Variants in APPL2 observed in about 807,000 individuals in gnomAD.
APPL2 encodes adaptor protein, phosphotyrosine interacting with PH domain and leucine zipper 2.
In APPL2, 84 loss-of-function variants were observed where a neutral mutation model predicts 92.7. The observed-to-expected ratio is 0.91, with a 90% confidence interval of 0.76 to 1.09. APPL2 has a LOEUF of 1.09. Among genes scored for constraint, APPL2 ranks in the 50% least tolerant of loss-of-function variants. The pLI is 0.00. For synonymous variants in APPL2, 291 were observed against 291.0 expected (o/e 1.00, Z 0.00); for missense variants, 736 against 824.5 (o/e 0.89, Z 1.31).
intron 17 of APPL2, 50 bp downstream of exon 17, chr12:105,188,223 G>A (rs779790593): frequency 1.3e-6 from 2 of 1,591,676 alleles, no homozygotes; most frequent in East Asian, 2.2e-5. Context: ...AGCCTTAAAA[G>A]GGGAATTAGC....
chr12:105,198,541 T>C (rs1311552507), intron 10 of APPL2, among the ~76,000 whole-genome samples: 1 of 152,196 alleles, frequency 6.6e-6, no homozygotes, highest in Non-Finnish European at 1.5e-5. Flanking sequence ...ACCTTAGAGG[T>C]ACTCCAGCCT....
At chr12:105,192,709 C>T (rs1303194130) in intron 14 of APPL2, among the ~76,000 whole-genome samples, 2 of 152,198 alleles carry the variant, frequency 1.3e-5, no homozygotes. Context: ...ACCTCATCTC[C>T]TTAACATTGG....
chr12:105,229,232 A>C lies in APPL2; in HGVS notation c.55-9T>G, dbSNP rs779116659. The stretch of plus-strand genomic sequence containing the variant: ...CTCAGTAAAGAGCGAGTCTGGAAGA[A>C]AAGAAGAAAAAAGGTCAATTTCATT... On this transcript the variant is annotated splice_polypyrimidine_tract_variant and intron_variant, in intron 1 of 20. Transcript: ENST00000258530. 3.1e-6 allele frequency: 5 copies of C among 1,608,566 alleles called. No homozygotes were observed. The South Asian group carries it at 5.6e-5, about 18-fold the overall frequency.
At chr12:105,183,153 T>C (rs920553424) in intron 17 of APPL2, among the ~76,000 whole-genome samples, 6 of 147,798 alleles carry the variant, frequency 4.1e-5, no homozygotes, top group African/African-American at 1.5e-4. Flanking sequence ...TGTGTGTCTC[T>C]GCACATGAGA....
At chr12:105,198,690 C>T (rs1213230144) in intron 10 of APPL2, among the ~76,000 whole-genome samples, 1 of 152,152 alleles carries the variant, frequency 6.6e-6, no homozygotes, top group Non-Finnish European at 1.5e-5. Context: ...CAAATGGCAA[C>T]GGCTGACATC....
Position 105,176,894 on chromosome 12 carries a change from G to A in APPL2, c.1794C>T (p.Ser598=), listed in dbSNP as rs1293619796. The A allele has an allele frequency of 6.2e-7, 1 of 1,613,998 alleles. No individual in the cohort carries two copies. Among genetic ancestry groups the A allele is most frequent in the Non-Finnish European group, 8.5e-7 (1 of 1,179,956 alleles). The change falls in exon 19 of 21, where the codon AGC becomes AGT. Residue 598 remains serine (S), a synonymous_variant. Coordinates refer to ENST00000258530, the MANE Select transcript of APPL2 (RefSeq NM_018171.5). The stretch of plus-strand genomic sequence containing the variant: ...AAGAGACCTTTTCGCCTTCTGAGTT[G>A]CTTTCAAAAATGTATGTACTCAGAG... ...EESLSTYIFE[S]NSEGEKICYA...
At chr12:105,176,160 C>T in intron 19 of APPL2, 78 bp from the exon 20 acceptor site, 1 of 1,307,724 alleles carries the variant, frequency 7.6e-7, no homozygotes, top group East Asian at 2.5e-5. Flanking sequence ...TTTGGGAGTA[C>T]AGTGAGGTCA....
In APPL2 at chr12:105,188,421, C is replaced by T; in HGVS notation, c.1486G>A (p.Val496Ile). The change falls in exon 17 of 21, where the codon GTT becomes ATT. Residue 496 changes from valine to isoleucine, a missense_variant. Val to Ile is a conservative substitution (Grantham distance 29). Coordinates refer to ENST00000258530, the MANE Select transcript of APPL2 (RefSeq NM_018171.5). ...EDSLLQQMFI[V>I]RFLGSMAVKT... ...ACTGCCATTGATCCCAAAAACCGAA[C>T]TATAAACATCTGCTGCAAAAGAGAA... 6.2e-7 allele frequency: 1 copy of T among 1,614,130 alleles called. No homozygotes were observed. Among genetic ancestry groups the T allele is most frequent in the Non-Finnish European group, 8.5e-7 (1 of 1,180,002 alleles).
chr12:105,197,911 G>A lies in APPL2; in HGVS notation c.906C>T (p.Phe302=). 1 of 1,614,160 alleles carries A rather than the reference G, an allele frequency of 6.2e-7. No individual in the cohort carries two copies. The highest frequency in any genetic ancestry group is 1.1e-5 in the South Asian group (1 of 91,080). Residue 302 remains phenylalanine (F), a synonymous_variant, in exon 11 of 21, where the codon TTC becomes TTT. Transcript: ENST00000258530. The part of the protein sequence containing the change: ...LVTTTWERLY[F]FTQGGNLMCQ... ...ACATGAGATTCCCGCCTTGGGTGAA[G>A]AAATAAAGCCTCTCCCAGGTGGTGG...
chr12:105,229,101 T>C, intron 2 of APPL2, 24 bp downstream of exon 2: 1 of 1,596,486 alleles, frequency 6.3e-7, no homozygotes, highest in Middle Eastern at 2.2e-4. Context: ...CTCTGCGGTA[T>C]CCAGGTGAGG....
At chr12:105,186,704 C>CATAT (rs777376134) in intron 17 of APPL2, among the ~76,000 whole-genome samples, 30 of 101,048 alleles carry the variant, frequency 3.0e-4, no homozygotes, top group Non-Finnish European at 4.6e-4. Flanking sequence ...TATATCATAT[C>CATAT]ATATATCATA....
intron 1 of APPL2, among the ~76,000 whole-genome samples, chr12:105,231,403 C>T (rs140083327): frequency 2.6e-5 from 4 of 152,354 alleles, no homozygotes; most frequent in African/African-American, 9.6e-5. Context: ...CTGTGCTGGG[C>T]ACTAAACATA....
chr12:105,180,186 C>G (rs1432130562), intron 17 of APPL2, among the ~76,000 whole-genome samples: 1 of 152,186 alleles, frequency 6.6e-6, no homozygotes, highest in East Asian at 1.9e-4. Context: ...TTTCAGTTTT[C>G]TGCATATGGC....
At chr12:105,194,127 A>C (rs1887445439) in intron 14 of APPL2, among the ~76,000 whole-genome samples, 1 of 152,182 alleles carries the variant, frequency 6.6e-6, no homozygotes, top group Non-Finnish European at 1.5e-5. Flanking sequence ...AAAAAATGTA[A>C]TGGGGTTCTT....
chr12:105,225,451 A>C (rs539011092), intron 2 of APPL2, among the ~76,000 whole-genome samples: 10 of 152,328 alleles, frequency 6.6e-5, no homozygotes, highest in African/African-American at 2.4e-4. Context: ...GGAAAGAAGA[A>C]TATTATGGCC....
At position 105,236,154 on chromosome 12, in the gene APPL2, G is replaced by T. The variant is rs1342215179; in HGVS notation, c.-142C>A. The T allele has an allele frequency of 2.9e-5, 6 of 206,142 alleles. No individual in the cohort carries two copies. Among genetic ancestry groups the T allele is most frequent in the Non-Finnish European group, 4.1e-5 (6 of 146,710 alleles). The allele number at this position is 206,142 out of a possible 1,614,324, so 12.8% of individuals were successfully genotyped here. A position where few individuals can be genotyped will look rare whatever the true frequency, so the allele number is the denominator to read the frequency against. ...GGCGGCCCCGCGCGCGTCCACGCCT[G>T]GCCAGTGGCCGCCGCCGCCTGCCCG... On this transcript the variant is annotated 5_prime_UTR_variant, in exon 1 of 21. Transcript: ENST00000258530.
rs767937784 is a variant in APPL2, at chr12:105,229,121, A to G, written c.153+4T>C. 7 of 1,608,978 alleles carry G rather than the reference A, an allele frequency of 4.4e-6. No individual in the cohort carries two copies. The highest frequency in any genetic ancestry group is 5.9e-6 in the Non-Finnish European group (7 of 1,177,694). On this transcript the variant is annotated splice_donor_region_variant and intron_variant, in intron 2 of 20. Coordinates refer to ENST00000258530, the MANE Select transcript of APPL2 (RefSeq NM_018171.5). Reference sequence around the variant, plus strand: ...CGGTATCCAGGTGAGGGGTGGCAGCATACCTGGGCTCCATAGACGCGCTGC... The same window carrying G: ...CGGTATCCAGGTGAGGGGTGGCAGCGTACCTGGGCTCCATAGACGCGCTGC...
chr12:105,196,627 G>GC (rs1176379606), intron 11 of APPL2, among the ~76,000 whole-genome samples: 69 of 152,120 alleles, frequency 4.5e-4, no homozygotes, highest in Admixed American at 4.3e-3. Context: ...TTCCAGTAGA[G>GC]ACGGGGTTTC....
Position 105,181,919 on chromosome 12 carries a change from G to A in APPL2, c.1635-4657C>T, listed in dbSNP as rs185875160. On this transcript the variant is annotated intron_variant, in intron 17 of 20. Transcript: ENST00000258530. Reference sequence around the variant, plus strand: ...TAATCTTTTCAAAAAACCAGCTCCTGGATTCATTGATTTTTGAAGGGTTTT... The same window carrying A: ...TAATCTTTTCAAAAAACCAGCTCCTAGATTCATTGATTTTTGAAGGGTTTT... 9.2e-5 allele frequency among the ~76,000 whole-genome samples: 14 copies of A among 152,152 alleles called. No individual in the cohort carries two copies. In the East Asian group the frequency reaches 2.7e-3, roughly 29 times the overall value.
Sources: gnomAD v4.1 joint callset for allele counts (sites outside exome capture counted in the v4.1 genomes callset) on GRCh38, gnomAD v4.1.1 for gene constraint, MANE v1.5 for transcripts, NCBI Gene and HGNC (gene_info 2026-07-23, HGNC 2026-07-21) for gene names.